Variants in SLC10A7 observed in about 807,000 individuals in gnomAD.
The protein encoded by SLC10A7 is solute carrier family 10 member 7.
In SLC10A7, 29 loss-of-function variants were observed where a neutral mutation model predicts 43.2. The ratio of observed to expected loss-of-function variants is 0.67; its 90% CI spans 0.50 to 0.92. The LOEUF is 0.92. Among genes scored for constraint, SLC10A7 ranks in the 40% least tolerant of loss-of-function variants. SLC10A7 has a pLI of 0.00. For missense variants in SLC10A7, 295 were observed against 403.2 expected, an observed-to-expected ratio of 0.73 and a Z score of 2.30; for synonymous variants, 152 against 144.8, an observed-to-expected ratio of 1.05 and a Z score of -0.35.
chr4:146,344,157 G>T (rs1054625148), intron 5 of SLC10A7, among the ~76,000 whole-genome samples: 2 of 151,954 alleles, frequency 1.3e-5, no homozygotes, highest in Non-Finnish European at 2.9e-5. Flanking sequence ...TATCTAAGTG[G>T]GTCTTTGTTA....
chr4:146,426,752 G>A (rs545304949), intron 5 of SLC10A7, among the ~76,000 whole-genome samples: 2 of 152,246 alleles, frequency 1.3e-5, no homozygotes, highest in South Asian at 2.1e-4. Flanking sequence ...GTATGCGCCT[G>A]TAACCCCAGC....
At chr4:146,288,176 T>C (rs1224511506) in intron 9 of SLC10A7, among the ~76,000 whole-genome samples, 17 of 152,096 alleles carry the variant, frequency 1.1e-4, no homozygotes, top group Admixed American at 1.1e-3. Flanking sequence ...AAAGGGAACA[T>C]TTAAGGTTAA....
In SLC10A7 at chr4:146,510,051, T is replaced by C. The variant is rs770536044; in HGVS notation, c.184-2A>G. ...ATGCACCAAAGCACTGGTCAGCTCC[T>C]GGAAAAATTAAGGAAACAAAATAAA... On this transcript the variant is annotated splice_acceptor_variant, in intron 2 of 11. Coordinates refer to ENST00000335472, the MANE Select transcript of SLC10A7 (RefSeq NM_001029998.6). LOFTEE classifies it high-confidence loss of function. 6.3e-6 allele frequency: 10 copies of C among 1,590,908 alleles called. No individual in the cohort carries two copies. Among genetic ancestry groups the C allele is most frequent in the African/African-American group, 1.4e-5 (1 of 73,398 alleles).
At chr4:146,485,290 A>T (rs1198367862) in intron 4 of SLC10A7, among the ~76,000 whole-genome samples, 1 of 152,162 alleles carries the variant, frequency 6.6e-6, no homozygotes, top group African/African-American at 2.4e-5. Flanking sequence ...CTTTTACAAC[A>T]TCCAAATAAA....
chr4:146,379,538 G>A (rs1053671847), intron 5 of SLC10A7, among the ~76,000 whole-genome samples: 3 of 152,074 alleles, frequency 2.0e-5, no homozygotes, highest in Non-Finnish European at 4.4e-5. Context: ...CAAATATTTT[G>A]TCTCATGTAA....
In SLC10A7 at chr4:146,344,938, T is replaced by C. The variant is rs914380136; in HGVS notation, c.436-18942A>G. Among the ~76,000 whole-genome samples, 4 of 152,278 alleles carry C rather than the reference T, an allele frequency of 2.6e-5. No individual in the cohort carries two copies. The East Asian group carries it at 7.7e-4, about 29-fold the overall frequency. On this transcript the variant is annotated intron_variant, in intron 5 of 11. Coordinates refer to ENST00000335472, the MANE Select transcript of SLC10A7 (RefSeq NM_001029998.6). ...ATCACCCATATAAACAACTGTTCTC[T>C]CTGGTCGTCAGCAAATTTTAAGACT...
chr4:146,362,820 T>A (rs373139074), intron 5 of SLC10A7, among the ~76,000 whole-genome samples: 276 of 152,028 alleles, frequency 1.8e-3, no homozygotes, highest in African/African-American at 6.5e-3. Flanking sequence ...AAGATGTTAT[T>A]TGCAAGCCTC....
chr4:146,315,230 AG>A (rs1288953499), intron 6 of SLC10A7, among the ~76,000 whole-genome samples: 1 of 152,160 alleles, frequency 6.6e-6, no homozygotes, highest in African/African-American at 2.4e-5. Context: ...CTGACTTCAC[AG>A]CCAAAGTGCT....
At chr4:146,505,328 T>C (rs1276160108) in intron 3 of SLC10A7, among the ~76,000 whole-genome samples, 1 of 152,196 alleles carries the variant, frequency 6.6e-6, no homozygotes, top group East Asian at 1.9e-4. Flanking sequence ...ATTTTCTTAA[T>C]ATGTTTCTTT....
chr4:146,504,349 C>T (rs1468537028), intron 3 of SLC10A7, among the ~76,000 whole-genome samples: 1 of 151,934 alleles, frequency 6.6e-6, no homozygotes, highest in Non-Finnish European at 1.5e-5. Context: ...GAAACCCCAT[C>T]TCTACTAAAA....
rs762480495 is a variant in SLC10A7 at position 146,322,817 on chromosome 4, A to G, written c.471+3144T>C. The stretch of plus-strand genomic sequence containing the variant: ...ACCACACTGTCTTCCACAATGGTTG[A>G]ACTAGTTTACCATCCCACCAACAGT... On this transcript the variant is annotated intron_variant, in intron 6 of 11. Transcript: ENST00000335472. Among the ~76,000 whole-genome samples, 118 of 152,274 alleles carry G rather than the reference A, an allele frequency of 7.7e-4. 1 individual carries two copies. The highest frequency in any genetic ancestry group is 1.3e-3 in the Non-Finnish European group (86 of 68,020).
At chr4:146,461,191 CTG>C (rs1732497545) in intron 4 of SLC10A7, among the ~76,000 whole-genome samples, 1 of 151,996 alleles carries the variant, frequency 6.6e-6, no homozygotes, top group African/African-American at 2.4e-5. Context: ...ATTAAATAAA[CTG>C]TTTTAATTTA....
At chr4:146,316,261 T>C (rs937625575) in intron 6 of SLC10A7, among the ~76,000 whole-genome samples, 1 of 152,034 alleles carries the variant, frequency 6.6e-6, no homozygotes, top group African/African-American at 2.4e-5. Flanking sequence ...ATAATTGAGG[T>C]AATGTATTTG....
intron 5 of SLC10A7, among the ~76,000 whole-genome samples, chr4:146,331,139 T>C (rs953495917): frequency 7.2e-5 from 11 of 152,082 alleles, no homozygotes; most frequent in Admixed American, 5.9e-4. Flanking sequence ...TAGGGCAGGG[T>C]TCTGAGCTTT....
At chr4:146,460,993 C>G (rs1732479468) in intron 4 of SLC10A7, among the ~76,000 whole-genome samples, 1 of 151,854 alleles carries the variant, frequency 6.6e-6, no homozygotes, top group African/African-American at 2.4e-5. Context: ...TGAACCAAAA[C>G]CACCAAATTT....
intron 5 of SLC10A7, among the ~76,000 whole-genome samples, chr4:146,422,667 GATT>G (rs1026833910): frequency 2.6e-5 from 4 of 152,046 alleles, no homozygotes; most frequent in Non-Finnish European, 4.4e-5. Flanking sequence ...GTCTCTTTCG[GATT>G]ATTATTTTGG....
intron 5 of SLC10A7, among the ~76,000 whole-genome samples, chr4:146,418,171 C>T (rs948596706): frequency 3.9e-5 from 6 of 152,168 alleles, no homozygotes; most frequent in Non-Finnish European, 7.3e-5. Flanking sequence ...CCTAAGCTTC[C>T]ACTTAAGGCT....
At chr4:146,360,100 C>G (rs2149761727) in intron 5 of SLC10A7, among the ~76,000 whole-genome samples, 1 of 152,276 alleles carries the variant, frequency 6.6e-6, no homozygotes, top group Admixed American at 6.5e-5. Context: ...ACTCCTCTCC[C>G]TCTCACCTGC....
At chr4:146,433,603 T>C (rs1729960084) in intron 5 of SLC10A7, among the ~76,000 whole-genome samples, 1 of 152,198 alleles carries the variant, frequency 6.6e-6, no homozygotes, top group African/African-American at 2.4e-5. Flanking sequence ...TGGAGGTTCA[T>C]GCCTACAATC....
Sources: gnomAD v4.1 joint callset for allele counts (sites outside exome capture counted in the v4.1 genomes callset) on GRCh38, gnomAD v4.1.1 for gene constraint, MANE v1.5 for transcripts, NCBI Gene and HGNC (gene_info 2026-07-23, HGNC 2026-07-21) for gene names.